Variants in STOML3 observed in about 807,000 individuals in gnomAD.
STOML3 encodes stomatin-like protein 3.
STOML3 carries 31 observed loss-of-function variants against 29.5 expected under a neutral mutation model. The observed-to-expected ratio is 1.05, with a 90% CI of 0.79 to 1.42. The LOEUF is 1.42. Among genes scored for constraint, STOML3 ranks in the 40% most tolerant of loss-of-function variants. The pLI is 0.00. For synonymous variants in STOML3, 122 were observed against 139.8 expected, an observed-to-expected ratio of 0.87 and a Z score of 0.90; for missense variants, 380 against 363.0, an observed-to-expected ratio of 1.05 and a Z score of -0.38.
In STOML3 at chr13:38,968,646, G is replaced by A. The variant is rs865947904; in HGVS notation, c.517-112C>T. Reference sequence around the variant, plus strand: ...TTTTTCTTTTTTTTCTTTTTCTTTTGCATTTACAGCATTTGGAGTGAGACA... The same window carrying A: ...TTTTTCTTTTTTTTCTTTTTCTTTTACATTTACAGCATTTGGAGTGAGACA... On this transcript the variant is annotated intron_variant, in intron 5 of 6. Transcript: ENST00000379631. 104 of 1,235,180 alleles carry A rather than the reference G, an allele frequency of 8.4e-5. No individual in the cohort carries two copies. In the Middle Eastern group the frequency reaches 4.7e-3, roughly 55 times the overall value. 76.5% of individuals were successfully genotyped at this position (1,235,180 alleles called of 1,614,324 possible). A position where few individuals can be genotyped will look rare whatever the true frequency, so the allele number is the denominator to read the frequency against.
intron 4 of STOML3, among the ~76,000 whole-genome samples, chr13:38,971,209 T>C (rs1880854260): frequency 6.6e-6 from 1 of 152,100 alleles, no homozygotes; most frequent in South Asian, 2.1e-4. Flanking sequence ...ATTTTTGTAT[T>C]TTTAGTAGAG....
At chr13:38,982,309 T>C (rs1373663101) in intron 1 of STOML3, among the ~76,000 whole-genome samples, 4 of 152,066 alleles carry the variant, frequency 2.6e-5, no homozygotes, top group Admixed American at 2.6e-4. Flanking sequence ...AATTCTTTTT[T>C]CTTTGTTTTT....
chr13:38,972,487 G>A, intron 4 of STOML3, 25 bp downstream of exon 4: 5 of 1,597,166 alleles, frequency 3.1e-6, no homozygotes, highest in Non-Finnish European at 4.3e-6. Flanking sequence ...TTAATTTCGA[G>A]TGACATATCC....
At chr13:38,982,788 G>GT (rs1881313622) in intron 1 of STOML3, among the ~76,000 whole-genome samples, 1 of 152,188 alleles carries the variant, frequency 6.6e-6, no homozygotes, top group South Asian at 2.1e-4. Context: ...GCTCCAAGAT[G>GT]TTTACCCTAA....
rs558007256 is a variant in STOML3 at position 38,972,656 on chromosome 13, T to G, written c.230-62A>C. 6 of 1,422,220 alleles carry G rather than the reference T, an allele frequency of 4.2e-6. No homozygotes were observed. The East Asian group carries it at 1.4e-4, about 33-fold the overall frequency. The allele number at this position is 1,422,220 out of a possible 1,614,324, so 88.1% of individuals were successfully genotyped here. A position where few individuals can be genotyped will look rare whatever the true frequency, so the allele number is the denominator to read the frequency against. On this transcript the variant is annotated intron_variant, in intron 3 of 6. Coordinates refer to ENST00000379631, the MANE Select transcript of STOML3 (RefSeq NM_145286.3). The stretch of plus-strand genomic sequence containing the variant: ...TTGAAAATAACTACAAGTAGTCTCA[T>G]AGCAGCATAGTGCATCATTTACATG...
intron 1 of STOML3, among the ~76,000 whole-genome samples, chr13:38,988,826 A>G (rs955477845): frequency 1.4e-5 from 2 of 142,910 alleles, no homozygotes; most frequent in Non-Finnish European, 3.0e-5. Context: ...ATATATAATT[A>G]TATATACTAT....
intron 1 of STOML3, among the ~76,000 whole-genome samples, chr13:38,977,964 G>A (rs1286691609): frequency 1.3e-5 from 2 of 151,672 alleles, no homozygotes; most frequent in African/African-American, 2.4e-5. Context: ...GATTCACCAT[G>A]TTAGCCAGGA....
chr13:38,985,911 C>CCTT (rs1868503119), intron 1 of STOML3, among the ~76,000 whole-genome samples: 1 of 85,616 alleles, frequency 1.2e-5, no homozygotes, highest in Non-Finnish European at 2.1e-5. Context: ...TCTTTTCTTT[C>CCTT]TTTTTTTTTT....
intron 1 of STOML3, among the ~76,000 whole-genome samples, chr13:38,980,584 A>T (rs116673425): frequency 6.6e-6 from 1 of 152,294 alleles, no homozygotes; most frequent in South Asian, 2.1e-4. Flanking sequence ...CTAAGTGATG[A>T]CCACATTTGA....
chr13:38,988,456 TC>T (rs1868794511), intron 1 of STOML3, among the ~76,000 whole-genome samples: 3 of 108,590 alleles, frequency 2.8e-5, no homozygotes, highest in South Asian at 5.8e-4. Flanking sequence ...ATATTTTATA[TC>T]ATATATTTTA....
chr13:38,987,820 A>G (rs1433656723), intron 1 of STOML3, among the ~76,000 whole-genome samples: 8 of 91,318 alleles, frequency 8.8e-5, no homozygotes, highest in Non-Finnish European at 1.6e-4. Flanking sequence ...AATATATTAT[A>G]TTTTATATAA....
At chr13:38,988,592 T>C (rs1470598138) in intron 1 of STOML3, among the ~76,000 whole-genome samples, 1 of 116,168 alleles carries the variant, frequency 8.6e-6, no homozygotes, top group African/African-American at 3.9e-5. Context: ...ATTTTATATA[T>C]AATATATTAT....
intron 3 of STOML3, 127 bp from the exon 4 acceptor site, chr13:38,972,721 C>T (rs1880923540): frequency 1.3e-6 from 1 of 745,942 alleles, no homozygotes; most frequent in Non-Finnish European, 2.2e-6. Flanking sequence ...AATATGCACA[C>T]ATGAAACTCT....
intron 1 of STOML3, among the ~76,000 whole-genome samples, chr13:38,988,395 T>A (rs1393858780): frequency 3.2e-5 from 3 of 93,544 alleles, no homozygotes; most frequent in South Asian, 7.6e-4. Flanking sequence ...ATCATATATT[T>A]TATATAAAAT....
chr13:38,972,367 G>T, intron 4 of STOML3, 145 bp downstream of exon 4: 1 of 686,898 alleles, frequency 1.5e-6, no homozygotes, highest in Non-Finnish European at 2.3e-6. Context: ...GAGCCACCAA[G>T]GAAGGGCAAT....
At chr13:38,985,151 C>T (rs938919554) in intron 1 of STOML3, among the ~76,000 whole-genome samples, 2 of 152,084 alleles carry the variant, frequency 1.3e-5, no homozygotes, top group East Asian at 1.9e-4. Context: ...GGGCAGGGCA[C>T]GGTGGCTCAT....
chr13:38,989,421 T>G (rs995989948), intron 1 of STOML3, among the ~76,000 whole-genome samples: 1 of 152,174 alleles, frequency 6.6e-6, no homozygotes, highest in African/African-American at 2.4e-5. Context: ...AAGCTTTTCA[T>G]GCCTACTTCA....
chr13:38,970,090 G>T, intron 5 of STOML3, 95 bp downstream of exon 5: 1 of 1,129,802 alleles, frequency 8.9e-7, no homozygotes, highest in Non-Finnish European at 1.3e-6. Flanking sequence ...GCATGCATGT[G>T]GTGGGGGATG....
chr13:38,979,844 C>T (rs1413420449), intron 1 of STOML3, among the ~76,000 whole-genome samples: 1 of 152,164 alleles, frequency 6.6e-6, no homozygotes, highest in Non-Finnish European at 1.5e-5. Context: ...TGTTTCCTCC[C>T]TCCCGGCACT....
Sources: gnomAD v4.1 joint callset for allele counts (sites outside exome capture counted in the v4.1 genomes callset) on GRCh38, gnomAD v4.1.1 for gene constraint, MANE v1.5 for transcripts, NCBI Gene and HGNC (gene_info 2026-07-23, HGNC 2026-07-21) for gene names.